GRIN3A: variants seen among roughly 807,000 people sequenced by gnomAD.
GRIN3A encodes the protein glutamate receptor ionotropic, NMDA 3A.
In GRIN3A, 47 loss-of-function variants were observed where a neutral mutation model predicts 92.4. The ratio of observed to expected loss-of-function variants is 0.51; its 90% CI spans 0.40 to 0.65. The LOEUF (loss-of-function observed/expected upper bound fraction) is 0.65. GRIN3A is among the 30% of genes least tolerant of loss of function. The pLI is 0.00. For synonymous variants in GRIN3A, 527 were observed against 540.6 expected, an observed-to-expected ratio of 0.97 and a Z score of 0.35; for missense variants, 1,324 against 1,393.1, an observed-to-expected ratio of 0.95 and a Z score of 0.79.
intron 6 of GRIN3A, among the ~76,000 whole-genome samples, chr9:101,603,982 A>C (rs1006301039): frequency 1.3e-5 from 2 of 152,066 alleles, no homozygotes; most frequent in African/African-American, 2.4e-5. Flanking sequence ...GTCTTCATTT[A>C]TTGCTGCCCC....
At chr9:101,662,380 G>A (rs1362125850) in intron 3 of GRIN3A, among the ~76,000 whole-genome samples, 1 of 151,702 alleles carries the variant, frequency 6.6e-6, no homozygotes, top group Non-Finnish European at 1.5e-5. Flanking sequence ...CCCCTTAGGT[G>A]TCAGACACTA....
At chr9:101,726,022 G>A (rs1340851863) in intron 1 of GRIN3A, among the ~76,000 whole-genome samples, 2 of 152,118 alleles carry the variant, frequency 1.3e-5, no homozygotes, top group Non-Finnish European at 2.9e-5. Flanking sequence ...TTCCCTGCTA[G>A]AATGGGAGTT....
chr9:101,649,752 G>C (rs966677069), intron 3 of GRIN3A, among the ~76,000 whole-genome samples: 3 of 151,926 alleles, frequency 2.0e-5, no homozygotes, highest in African/African-American at 4.8e-5. Context: ...GGAGAGTTTT[G>C]CTGGGAAACT....
chr9:101,694,827 A>C (rs531332912), intron 1 of GRIN3A, among the ~76,000 whole-genome samples: 1 of 152,296 alleles, frequency 6.6e-6, no homozygotes, highest in East Asian at 1.9e-4. Flanking sequence ...GGGTAATCCA[A>C]GAACAGATAA....
chr9:101,641,602 G>T (rs1176437616), intron 3 of GRIN3A, among the ~76,000 whole-genome samples: 1 of 151,908 alleles, frequency 6.6e-6, no homozygotes, highest in Non-Finnish European at 1.5e-5. Context: ...GACACAGGAA[G>T]GGGAACATCA....
At chr9:101,624,687 A>T (rs950294909) in intron 4 of GRIN3A, among the ~76,000 whole-genome samples, 2 of 152,240 alleles carry the variant, frequency 1.3e-5, no homozygotes, top group East Asian at 3.9e-4. Context: ...ATAAACATAC[A>T]TGTGCATGTG....
At position 101,570,142 on chromosome 9, in the gene GRIN3A, G is replaced by A. The variant is rs1374167852; in HGVS notation, c.*3032C>T. The A allele has an allele frequency of 6.6e-6, 1 of 152,046 alleles. No individual in the cohort carries two copies. Among genetic ancestry groups the A allele is most frequent in the African/African-American group, 2.4e-5 (1 of 41,378 alleles). 9.4% of individuals were successfully genotyped at this position (152,046 alleles called of 1,614,324 possible). On this transcript the variant is annotated 3_prime_UTR_variant, in exon 9 of 9. Coordinates refer to ENST00000361820, the MANE Select transcript of GRIN3A (RefSeq NM_133445.3). Reference sequence around the variant, plus strand: ...GAGATTCCCCTTTCTCCTCCACCTGGAAGCATACACACTCTGGGGCCTTGA... The same window carrying A: ...GAGATTCCCCTTTCTCCTCCACCTGAAAGCATACACACTCTGGGGCCTTGA...
chr9:101,660,916 C>A (rs1829164219), intron 3 of GRIN3A, among the ~76,000 whole-genome samples: 1 of 151,820 alleles, frequency 6.6e-6, no homozygotes, highest in Non-Finnish European at 1.5e-5. Context: ...AGTCGAACAA[C>A]ATTTACTGAA....
At chr9:101,630,177 GAAC>G (rs1339137913) in intron 3 of GRIN3A, among the ~76,000 whole-genome samples, 3 of 151,676 alleles carry the variant, frequency 2.0e-5, no homozygotes, top group African/African-American at 7.3e-5. Flanking sequence ...CTCCTACCCA[GAAC>G]AACAACAATG....
At chr9:101,717,794 C>A (rs1588296118) in intron 1 of GRIN3A, among the ~76,000 whole-genome samples, 1 of 152,132 alleles carries the variant, frequency 6.6e-6, no homozygotes, top group Non-Finnish European at 1.5e-5. Context: ...GATGTGAGAA[C>A]AATGTCACTT....
At chr9:101,667,268 A>T (rs538709566) in intron 3 of GRIN3A, among the ~76,000 whole-genome samples, 4 of 151,918 alleles carry the variant, frequency 2.6e-5, no homozygotes, top group Non-Finnish European at 4.4e-5. Flanking sequence ...GGTATACTTT[A>T]TAGGTAATAT....
intron 6 of GRIN3A, among the ~76,000 whole-genome samples, chr9:101,583,482 C>G (rs1716972627): frequency 6.6e-6 from 1 of 152,130 alleles, no homozygotes; most frequent in Non-Finnish European, 1.5e-5. Flanking sequence ...CCCATATTAT[C>G]AAGTGAAAAC....
chr9:101,737,928 G>A lies in GRIN3A; in HGVS notation c.52C>T (p.Pro18Ser), dbSNP rs1397290906. ...WLLSRVCLLL[P>S]PPCALVLAGV... is the part of the protein sequence containing the mutation. ...GCCAGCACCAGTGCGCAGGGCGGCGGCAACAGCAGACAGACCCTGCTCAGC... is the reference window on the plus strand; with the variant it reads ...GCCAGCACCAGTGCGCAGGGCGGCGACAACAGCAGACAGACCCTGCTCAGC... Residue 18 changes from proline (P) to serine (S), a missense_variant, in exon 1 of 9, where the codon CCG becomes TCG. Physicochemically the swap from Pro to Ser is moderately conservative, Grantham distance 74. Coordinates refer to ENST00000361820, the MANE Select transcript of GRIN3A (RefSeq NM_133445.3). The A allele has an allele frequency of 6.5e-7, 1 of 1,537,316 alleles. No individual in the cohort carries two copies. The highest frequency in any genetic ancestry group is 1.9e-5 in the Admixed American group (1 of 51,588).
At chr9:101,627,600 C>A (rs1007380109) in intron 4 of GRIN3A, among the ~76,000 whole-genome samples, 1 of 152,074 alleles carries the variant, frequency 6.6e-6, no homozygotes. Context: ...TTTCAGGAAC[C>A]ATTCTTTCCC....
intron 2 of GRIN3A, among the ~76,000 whole-genome samples, chr9:101,675,607 A>G (rs1308098826): frequency 1.3e-5 from 2 of 151,828 alleles, no homozygotes; most frequent in Non-Finnish European, 2.9e-5. Context: ...GACAGAATAC[A>G]TATGATAAAT....
chr9:101,731,661 C>T (rs543761464), intron 1 of GRIN3A, among the ~76,000 whole-genome samples: 2 of 152,224 alleles, frequency 1.3e-5, no homozygotes, highest in East Asian at 3.9e-4. Flanking sequence ...GATCAACCCA[C>T]TTTTTCAAGG....
intron 1 of GRIN3A, among the ~76,000 whole-genome samples, chr9:101,724,756 A>G (rs928944511): frequency 1.3e-5 from 2 of 152,214 alleles, no homozygotes; most frequent in African/African-American, 4.8e-5. Flanking sequence ...AGTTGCCACC[A>G]TGTAAGAAGT....
intron 1 of GRIN3A, among the ~76,000 whole-genome samples, chr9:101,688,120 T>C (rs1233945671): frequency 6.6e-6 from 1 of 152,224 alleles, no homozygotes; most frequent in Non-Finnish European, 1.5e-5. Flanking sequence ...TGGGAACTAT[T>C]GGATTGCTTT....
chr9:101,646,020 C>T (rs1462050588), intron 3 of GRIN3A, among the ~76,000 whole-genome samples: 1 of 151,500 alleles, frequency 6.6e-6, no homozygotes, highest in Non-Finnish European at 1.5e-5. Context: ...TCTTATTTTG[C>T]CTCTTTGCTA....
Sources: gnomAD v4.1 joint callset for allele counts (sites outside exome capture counted in the v4.1 genomes callset) on GRCh38, gnomAD v4.1.1 for gene constraint, MANE v1.5 for transcripts, NCBI Gene and HGNC (gene_info 2026-07-23, HGNC 2026-07-21) for gene names.